The following MTCL3 variants were observed in gnomAD, a reference collection of about 807,000 sequenced individuals.
MTCL3 encodes microtubule cross-linking factor 3.
At chr6:127,482,292 G>A in the MTCL3 span, among the ~76,000 whole-genome samples, 2 of 152,066 alleles carry the variant, frequency 1.3e-5, no homozygotes, top group African/African-American at 2.4e-5. This position sits in a 1 kb window ranked among gnomAD's most constrained non-coding sequence, Gnocchi z 4.1. Context: ...TATCCCAAAT[G>A]TTTCCTCTTC....
At chr6:127,475,530 G>A in the MTCL3 span, 6 of 1,612,796 alleles carry the variant, frequency 3.7e-6, no homozygotes, top group South Asian at 3.3e-5. The surrounding 1 kb of genome is among the most constrained non-coding windows in gnomAD (Gnocchi z 7.3). Context: ...TGTCGGCGAT[G>A]AGCCGGTCGA....
At chr6:127,509,577 A>G in the MTCL3 span, among the ~76,000 whole-genome samples, 1 of 152,290 alleles carries the variant, frequency 6.6e-6, no homozygotes, top group East Asian at 1.9e-4. Flanking sequence ...TTACTCTATA[A>G]CTAGTGTCTT....
At chr6:127,494,706 G>A in the MTCL3 span, among the ~76,000 whole-genome samples, 3 of 152,248 alleles carry the variant, frequency 2.0e-5, no homozygotes, top group Admixed American at 6.5e-5. Context: ...AGCAGGGTAT[G>A]GGTTATTAGA....
the MTCL3 span, among the ~76,000 whole-genome samples, chr6:127,502,856 C>T: frequency 1.3e-5 from 2 of 152,126 alleles, no homozygotes; most frequent in Non-Finnish European, 2.9e-5. Flanking sequence ...TCAGCTATTA[C>T]GTGACTTATC....
the MTCL3 span, among the ~76,000 whole-genome samples, chr6:127,511,358 AT>A: frequency 2.0e-5 from 3 of 152,286 alleles, no homozygotes; most frequent in Non-Finnish European, 2.9e-5. Flanking sequence ...ATGAAAGTCA[AT>A]TTTTGACATA....
the MTCL3 span, among the ~76,000 whole-genome samples, chr6:127,484,442 A>T: frequency 6.6e-6 from 1 of 152,220 alleles, no homozygotes; most frequent in Non-Finnish European, 1.5e-5. Context: ...AAAGTAATTT[A>T]GGAAGTAATC....
the MTCL3 span, chr6:127,473,237 A>T: frequency 6.9e-7 from 1 of 1,458,432 alleles, no homozygotes. Context: ...TGAACAAAAT[A>T]AACAAACTGA....
chr6:127,481,544 A>G, the MTCL3 span: 1 of 859,232 alleles, frequency 1.2e-6, no homozygotes, highest in Non-Finnish European at 1.4e-6. Context: ...TATAGTTAAT[A>G]TGTTATGCTT....
At chr6:127,485,176 C>G in the MTCL3 span, among the ~76,000 whole-genome samples, 1 of 152,076 alleles carries the variant, frequency 6.6e-6, no homozygotes. Flanking sequence ...TTTATCTAAT[C>G]TAGGGCTAGA....
At chr6:127,502,018 GTAAATTATAATT>G in the MTCL3 span, among the ~76,000 whole-genome samples, 1 of 152,172 alleles carries the variant, frequency 6.6e-6, no homozygotes, top group Admixed American at 6.5e-5. Context: ...AAAGAACTGA[GTAAATTATAATT>G]TAAGAAGCTA....
the MTCL3 span, among the ~76,000 whole-genome samples, chr6:127,481,742 G>A: frequency 3.3e-5 from 5 of 152,208 alleles, no homozygotes; most frequent in South Asian, 2.1e-4. Flanking sequence ...TGTCAGAGGC[G>A]TGTGACCCAG....
chr6:127,478,316 C>T, the MTCL3 span, among the ~76,000 whole-genome samples: 1 of 152,148 alleles, frequency 6.6e-6, no homozygotes, highest in African/African-American at 2.4e-5. Context: ...GATGTACTCC[C>T]ATCAATCTAA....
chr6:127,492,854 A>C, the MTCL3 span, among the ~76,000 whole-genome samples: 4 of 152,190 alleles, frequency 2.6e-5, no homozygotes, highest in Admixed American at 1.3e-4. Context: ...ACTGAGCTTA[A>C]ATAAATTATT....
chr6:127,515,698 G>T, the MTCL3 span: 2 of 1,563,872 alleles, frequency 1.3e-6, no homozygotes, highest in Non-Finnish European at 1.7e-6. This position sits in a 1 kb window ranked among gnomAD's most constrained non-coding sequence, Gnocchi z 4.3. Flanking sequence ...GGAGGCGGAG[G>T]CGACGGCCAG....
the MTCL3 span, among the ~76,000 whole-genome samples, chr6:127,487,116 T>C: frequency 6.6e-6 from 1 of 152,174 alleles, no homozygotes; most frequent in East Asian, 1.9e-4. Flanking sequence ...ATTGACACCA[T>C]TGTCTGAAGC....
At chr6:127,515,599 G>A in the MTCL3 span, 1 of 1,429,024 alleles carries the variant, frequency 7.0e-7, no homozygotes, top group Non-Finnish European at 9.1e-7. This position sits in a 1 kb window ranked among gnomAD's most constrained non-coding sequence, Gnocchi z 4.3. Context: ...GTGCGGCTGC[G>A]ACGAAGGGGG....
chr6:127,500,643 C>T, the MTCL3 span, among the ~76,000 whole-genome samples: 35 of 152,022 alleles, frequency 2.3e-4, no homozygotes, highest in Non-Finnish European at 3.4e-4. Flanking sequence ...GCCTAGTGTC[C>T]ATTAGTTATT....
chr6:127,514,206 C>G, the MTCL3 span, among the ~76,000 whole-genome samples: 1 of 151,894 alleles, frequency 6.6e-6, no homozygotes, highest in Non-Finnish European at 1.5e-5. Flanking sequence ...AACAATTGCA[C>G]TTTAAAAAAA....
At chr6:127,478,045 G>A in the MTCL3 span, among the ~76,000 whole-genome samples, 2 of 150,794 alleles carry the variant, frequency 1.3e-5, no homozygotes, top group Admixed American at 1.3e-4. Flanking sequence ...TTAGAAGAAA[G>A]AAGAGAAGGA....
Sources: gnomAD v4.1 joint callset for allele counts (sites outside exome capture counted in the v4.1 genomes callset) on GRCh38, gnomAD v4.1.1 for gene constraint, Gnocchi (gnomAD v3.1) non-coding constraint, MANE v1.5 for transcripts, NCBI Gene and HGNC (gene_info 2026-07-23, HGNC 2026-07-21) for gene names.